CDKL1: variants seen among roughly 807,000 people sequenced by gnomAD.
CDKL1 encodes cyclin dependent kinase like 1, also known as cyclin-dependent kinase-like 1.
In CDKL1, 41 loss-of-function variants were observed where a neutral mutation model predicts 42.0. The observed-to-expected ratio is 0.98, with a 90% CI of 0.76 to 1.27. CDKL1 has a LOEUF of 1.27. Ranked by LOEUF, CDKL1 falls within the 50% of genes most tolerant of loss-of-function variation. The probability of loss-of-function intolerance (pLI) is 0.00; values close to 1 mark genes in which losing one functional copy is unlikely to be tolerated. For synonymous variants in CDKL1, 153 were observed against 158.6 expected, an observed-to-expected ratio of 0.96 and a Z score of 0.26; for missense variants, 394 against 428.4, an observed-to-expected ratio of 0.92 and a Z score of 0.71.
chr14:50,361,486 C>A (rs558867731), intron 2 of CDKL1, among the ~76,000 whole-genome samples: 1 of 152,192 alleles, frequency 6.6e-6, no homozygotes, highest in Non-Finnish European at 1.5e-5. Flanking sequence ...GTTCCGCATG[C>A]TGGGAAATCC....
rs764708646 is a variant in CDKL1 at position 50,338,946 on chromosome 14, C to T, written c.738+1G>A. 2.5e-6 allele frequency: 4 copies of T among 1,598,776 alleles called. No homozygotes were observed. The highest frequency in any genetic ancestry group is 2.6e-6 in the Non-Finnish European group (3 of 1,166,040). On this transcript the variant is annotated splice_donor_variant, in intron 7 of 9. Coordinates refer to ENST00000395834, the MANE Select transcript of CDKL1 (RefSeq NM_004196.7). LOFTEE classifies it high-confidence loss of function. ...AGCTCTCTCCAAAATGGGTAACTCA[C>T]CATATCTTCAGGGTCTGGAATTTTC... is the stretch of plus-strand genomic sequence containing the variant.
At position 50,341,464 on chromosome 14, in the gene CDKL1, G is replaced by C. The variant is rs965053230; in HGVS notation, c.455-232C>G. On this transcript the variant is annotated intron_variant, in intron 5 of 9. Coordinates refer to ENST00000395834, the MANE Select transcript of CDKL1 (RefSeq NM_004196.7). ...AATCCCTGGGGAGGGTCTGGGGGGG[G>C]GGGGGGGGTTATTTGGCTTAGAATT... Among the ~76,000 whole-genome samples, 103 of 138,748 alleles carry C rather than the reference G, an allele frequency of 7.4e-4. 4 individuals carry two copies. Among genetic ancestry groups the C allele is most frequent in the African/African-American group, 2.4e-3 (74 of 31,240 alleles). 91.0% of individuals were successfully genotyped at this position (138,748 alleles called of 152,430 possible).
At chr14:50,337,744 G>A (rs182320431) in intron 7 of CDKL1, among the ~76,000 whole-genome samples, 52 of 148,562 alleles carry the variant, frequency 3.5e-4, no homozygotes, top group African/African-American at 1.2e-3. Flanking sequence ...AGAGTGCAGC[G>A]ATCTCAGGTC....
At chr14:50,364,572 T>G (rs191173850) in intron 2 of CDKL1, among the ~76,000 whole-genome samples, 1 of 152,242 alleles carries the variant, frequency 6.6e-6, no homozygotes, top group Admixed American at 6.5e-5. Flanking sequence ...TCCAATTTTT[T>G]GCTATTATAA....
chr14:50,378,889 T>C (rs1027534115), intron 2 of CDKL1, among the ~76,000 whole-genome samples: 2 of 151,586 alleles, frequency 1.3e-5, no homozygotes, highest in Admixed American at 1.3e-4. Flanking sequence ...TTTCACTCTG[T>C]CACCCAGGCT....
intron 2 of CDKL1, chr14:50,378,499 G>C (rs2139509376): frequency 2.4e-6 from 3 of 1,259,170 alleles, no homozygotes; most frequent in Non-Finnish European, 2.1e-6. Context: ...CTTAATTCTT[G>C]ACAAGGACAC....
intron 2 of CDKL1, among the ~76,000 whole-genome samples, chr14:50,365,387 T>A (rs2034408586): frequency 6.6e-6 from 1 of 152,212 alleles, no homozygotes; most frequent in Non-Finnish European, 1.5e-5. Flanking sequence ...GCTGATAACT[T>A]ATCTCTCAAC....
At chr14:50,370,998 CAT>C (rs1265046985) in intron 2 of CDKL1, among the ~76,000 whole-genome samples, 4 of 152,168 alleles carry the variant, frequency 2.6e-5, no homozygotes, top group African/African-American at 7.2e-5. Context: ...TAAGTGAGAA[CAT>C]GTGCATTTTT....
At chr14:50,339,544 A>T (rs1049567520) in intron 6 of CDKL1, among the ~76,000 whole-genome samples, 1 of 36,592 alleles carries the variant, frequency 2.7e-5, no homozygotes, top group Non-Finnish European at 5.3e-5. Flanking sequence ...GAGGGAGGGG[A>T]GGGGAGGGGA....
chr14:50,370,095 G>A (rs1364714626), intron 2 of CDKL1, among the ~76,000 whole-genome samples: 1 of 147,078 alleles, frequency 6.8e-6, no homozygotes, highest in African/African-American at 2.5e-5. Context: ...TTGAGACAGA[G>A]TCTTGCTCTG....
intron 2 of CDKL1, among the ~76,000 whole-genome samples, chr14:50,392,627 C>T (rs1328566499): frequency 6.6e-6 from 1 of 152,064 alleles, no homozygotes; most frequent in Non-Finnish European, 1.5e-5. Context: ...GTCCCTCCAT[C>T]CCACATGGTG....
intron 8 of CDKL1, 62 bp from the exon 9 acceptor site, chr14:50,332,494 A>AT (rs1380563629): frequency 6.5e-6 from 10 of 1,543,312 alleles, no homozygotes; most frequent in Non-Finnish European, 6.9e-6. Context: ...TATTAATGTC[A>AT]TTTTTTTCTT....
intron 8 of CDKL1, chr14:50,332,844 A>G: frequency 1.8e-6 from 1 of 550,706 alleles, no homozygotes; most frequent in Non-Finnish European, 3.1e-6. Flanking sequence ...CAGTTAATAC[A>G]GCATACAGCA....
At chr14:50,368,688 C>T (rs2034498683) in intron 2 of CDKL1, among the ~76,000 whole-genome samples, 1 of 152,068 alleles carries the variant, frequency 6.6e-6, no homozygotes, top group African/African-American at 2.4e-5. Context: ...CCTGGTTTCC[C>T]TGCAGAGCTG....
intron 3 of CDKL1, among the ~76,000 whole-genome samples, chr14:50,352,197 G>C (rs371053566): frequency 6.6e-6 from 1 of 152,166 alleles, no homozygotes; most frequent in Non-Finnish European, 1.5e-5. Context: ...CTCATAAAAT[G>C]ATTTGGGAAA....
At chr14:50,347,485 A>G (rs1381536728) in intron 3 of CDKL1, among the ~76,000 whole-genome samples, 1 of 152,180 alleles carries the variant, frequency 6.6e-6, no homozygotes, top group African/African-American at 2.4e-5. Flanking sequence ...GATTTGGGCT[A>G]TATTTTTAAA....
At chr14:50,353,508 A>T (rs901180813) in intron 3 of CDKL1, among the ~76,000 whole-genome samples, 8 of 126,652 alleles carry the variant, frequency 6.3e-5, no homozygotes, top group African/African-American at 1.8e-4. Context: ...AAACTCTTGT[A>T]AAAAAAGAAT....
chr14:50,336,227 C>A (rs1268561065), intron 7 of CDKL1: 4 of 1,318,314 alleles, frequency 3.0e-6, no homozygotes, highest in Non-Finnish European at 4.0e-6. Context: ...GGGACTGGGG[C>A]ACAGATGTTC....
intron 2 of CDKL1, among the ~76,000 whole-genome samples, chr14:50,369,598 A>G (rs1409686372): frequency 1.7e-5 from 2 of 116,774 alleles, no homozygotes; most frequent in Non-Finnish European, 3.4e-5. Context: ...TATAATATAT[A>G]TACACACATG....
Sources: allele counts gnomAD v4.1 joint callset (sites outside exome capture counted in the v4.1 genomes callset), GRCh38; gene constraint gnomAD v4.1.1; transcripts MANE v1.5; gene names NCBI Gene and HGNC (gene_info 2026-07-23, HGNC 2026-07-21).